DPYSL5: variants seen among roughly 807,000 people sequenced by gnomAD.
The protein encoded by DPYSL5 is dihydropyrimidinase-related protein 5.
DPYSL5 carries 9 observed loss-of-function variants against 58.4 expected under a neutral mutation model. The observed-to-expected ratio is 0.15, with a 90% CI of 0.09 to 0.27. The LOEUF (loss-of-function observed/expected upper bound fraction) is 0.27, where lower values mean the gene tolerates loss of function less well. Among genes scored for constraint, DPYSL5 ranks in the 10% least tolerant of loss-of-function variants. The pLI, the probability that DPYSL5 is intolerant of heterozygous loss-of-function variation, is 1.00. For missense variants in DPYSL5, 499 were observed against 770.6 expected (o/e 0.65, Z 4.17); for synonymous variants, 293 against 301.9 (o/e 0.97, Z 0.31).
At chr2:26,945,666 T>C (rs1665459108) in intron 12 of DPYSL5, among the ~76,000 whole-genome samples, 1 of 152,210 alleles carries the variant, frequency 6.6e-6, no homozygotes, top group African/African-American at 2.4e-5. Flanking sequence ...TGAGTCTCCC[T>C]GAGCACAGTT....
At chr2:26,859,663 C>T (rs1665962748) in intron 1 of DPYSL5, among the ~76,000 whole-genome samples, 2 of 152,076 alleles carry the variant, frequency 1.3e-5, no homozygotes, top group South Asian at 4.2e-4. Context: ...TGTGCTGTCT[C>T]AGTGGCAGAT....
chr2:26,879,165 C>G (rs1294934937), intron 1 of DPYSL5, among the ~76,000 whole-genome samples: 2 of 152,062 alleles, frequency 1.3e-5, no homozygotes, highest in Non-Finnish European at 2.9e-5. Flanking sequence ...GGGGACCAAC[C>G]AGAAGTATCC....
At chr2:26,932,121 AAGAG>A (rs1451906755) in intron 6 of DPYSL5, among the ~76,000 whole-genome samples, 16 of 145,996 alleles carry the variant, frequency 1.1e-4, no homozygotes, top group African/African-American at 3.9e-4. Flanking sequence ...AGAAAAAAGA[AAGAG>A]AAAGAAAGAA....
intron 1 of DPYSL5, among the ~76,000 whole-genome samples, chr2:26,870,068 A>C (rs1377894699): frequency 6.6e-6 from 1 of 152,170 alleles, no homozygotes; most frequent in Non-Finnish European, 1.5e-5. Context: ...TCTGAGGATT[A>C]ATTTTCTATC....
At position 26,898,450 on chromosome 2, in the gene DPYSL5, A is replaced by T; in HGVS notation, c.-4-46A>T. The T allele has an allele frequency of 2.5e-6, 4 of 1,590,420 alleles. No individual in the cohort carries two copies. The highest frequency in any genetic ancestry group is 3.4e-6 in the Non-Finnish European group (4 of 1,165,016). On this transcript the variant is annotated intron_variant, in intron 1 of 12. Coordinates refer to ENST00000288699, the MANE Select transcript of DPYSL5 (RefSeq NM_020134.4). The surrounding 1 kb of genome is among the most constrained non-coding windows in gnomAD (Gnocchi z 6.1). ...TGATAGGAGGGATGGGAAACTGGAA[A>T]CAGTGAGAAGGGACTTTGACCTTGA...
chr2:26,932,201 A>AGAC (rs1665044337), intron 6 of DPYSL5, among the ~76,000 whole-genome samples: 3 of 58,812 alleles, frequency 5.1e-5, no homozygotes, highest in African/African-American at 1.7e-4. Context: ...GAAAGAAAGA[A>AGAC]AGAAAGAAAA....
chr2:26,941,879 T>A, intron 9 of DPYSL5, 71 bp from the exon 10 acceptor site: 1 of 1,602,588 alleles, frequency 6.2e-7, no homozygotes, highest in Admixed American at 1.7e-5. Flanking sequence ...TGGGCCAGCA[T>A]CAAAGGTGAC....
At chr2:26,850,765 C>G (rs2148099629) in intron 1 of DPYSL5, among the ~76,000 whole-genome samples, 1 of 152,226 alleles carries the variant, frequency 6.6e-6, no homozygotes, top group South Asian at 2.1e-4. Flanking sequence ...TGATAGCTGT[C>G]AAAGTGAAGG....
intron 1 of DPYSL5, among the ~76,000 whole-genome samples, chr2:26,890,217 A>C (rs1019984044): frequency 6.6e-6 from 1 of 152,184 alleles, no homozygotes; most frequent in African/African-American, 2.4e-5. Flanking sequence ...TCAGTCACCT[A>C]TTAAAGCAAT....
rs1420458098 is a variant in DPYSL5 at position 26,933,634 on chromosome 2, C to T, written c.790+301C>T. Reference sequence around the variant, plus strand: ...TTTAAACCCACTCATTAATTAGTGTCTTTTTGGCCTCATAGATTTTACTAG... The same window carrying T: ...TTTAAACCCACTCATTAATTAGTGTTTTTTTGGCCTCATAGATTTTACTAG... On this transcript the variant is annotated intron_variant, in intron 7 of 12. Transcript: ENST00000288699. The surrounding 1 kb of genome is among the most constrained non-coding windows in gnomAD (Gnocchi z 4.2). 6.6e-6 allele frequency among the ~76,000 whole-genome samples: 1 copy of T among 152,198 alleles called. No individual in the cohort carries two copies. Among genetic ancestry groups the T allele is most frequent in the Non-Finnish European group, 1.5e-5 (1 of 68,044 alleles).
rs921000313 is a variant in DPYSL5 at position 26,942,118 on chromosome 2, G to T, written c.1232+26G>T. Reference sequence around the variant, plus strand: ...GTAAAGTTTGTTGCTCGTCCCCAGGGCTAGAGGGGCTTGGGATTTTGAAGA... The same window carrying T: ...GTAAAGTTTGTTGCTCGTCCCCAGGTCTAGAGGGGCTTGGGATTTTGAAGA... On this transcript the variant is annotated intron_variant, in intron 10 of 12. Transcript: ENST00000288699. The surrounding 1 kb of genome is among the most constrained non-coding windows in gnomAD (Gnocchi z 5.9). The T allele has an allele frequency of 2.5e-6, 4 of 1,611,582 alleles. No homozygotes were observed. The African/African-American group carries it at 4.0e-5, about 16-fold the overall frequency.
intron 1 of DPYSL5, among the ~76,000 whole-genome samples, chr2:26,895,765 A>G (rs1253632788): frequency 9.0e-6 from 1 of 111,670 alleles, no homozygotes; most frequent in Non-Finnish European, 1.9e-5. Context: ...TCTGTTCTCT[A>G]TTTCTTTTTC....
rs1665414193 is a variant in DPYSL5 at position 26,944,461 on chromosome 2, T to G, written c.1441-195T>G. 6.6e-6 allele frequency among the ~76,000 whole-genome samples: 1 copy of G among 152,130 alleles called. No homozygotes were observed. Among genetic ancestry groups the G allele is most frequent in the Non-Finnish European group, 1.5e-5 (1 of 68,012 alleles). On this transcript the variant is annotated intron_variant, in intron 11 of 12. Coordinates refer to ENST00000288699, the MANE Select transcript of DPYSL5 (RefSeq NM_020134.4). The surrounding 1 kb of genome is among the most constrained non-coding windows in gnomAD (Gnocchi z 4.4). ...ATGCACACATGTACACATATGCACA[T>G]GCTCTTTAGGAGGTATGAGAAAACT...
chr2:26,856,412 CA>C (rs1665879692), intron 1 of DPYSL5, among the ~76,000 whole-genome samples: 1 of 152,094 alleles, frequency 6.6e-6, no homozygotes, highest in Non-Finnish European at 1.5e-5. Flanking sequence ...ATTCTCTCAC[CA>C]GGGGCTTCTT....
intron 2 of DPYSL5, among the ~76,000 whole-genome samples, chr2:26,909,135 T>C (rs562322496): frequency 9.8e-5 from 15 of 152,332 alleles, no homozygotes; most frequent in Admixed American, 9.1e-4. Context: ...CCTTGGGTGA[T>C]TACTGCAGCC....
At chr2:26,932,200 AAAG>A (rs1386486329) in intron 6 of DPYSL5, among the ~76,000 whole-genome samples, 2,354 of 86,840 alleles carry the variant, frequency 0.027, 98 homozygotes, top group Non-Finnish European at 0.041. Flanking sequence ...AGAAAGAAAG[AAAG>A]AAAGAAAAGA....
intron 9 of DPYSL5, 54 bp downstream of exon 9, chr2:26,940,226 A>T: frequency 1.3e-6 from 2 of 1,596,374 alleles, no homozygotes; most frequent in Non-Finnish European, 1.7e-6. Flanking sequence ...TCCCCGTTTC[A>T]TCCCCGTTCT....
chr2:26,870,551 A>G (rs1663233713), intron 1 of DPYSL5, among the ~76,000 whole-genome samples: 2 of 152,028 alleles, frequency 1.3e-5, no homozygotes, highest in African/African-American at 2.4e-5. Flanking sequence ...TTAGGGTTAT[A>G]TTGGTTTTAT....
intron 1 of DPYSL5, among the ~76,000 whole-genome samples, chr2:26,882,425 G>GTGTC (rs1553315862): frequency 9.0e-6 from 1 of 111,026 alleles, no homozygotes; most frequent in African/African-American, 3.4e-5. Context: ...GTGTGTGTGT[G>GTGTC]TGTCTGTGTG....
Sources: gnomAD v4.1 joint callset for allele counts (sites outside exome capture counted in the v4.1 genomes callset) on GRCh38, gnomAD v4.1.1 for gene constraint, Gnocchi (gnomAD v3.1) non-coding constraint, MANE v1.5 for transcripts, NCBI Gene and HGNC (gene_info 2026-07-23, HGNC 2026-07-21) for gene names.